The following TMEM144 variants were observed in gnomAD, a reference collection of about 807,000 sequenced individuals.
TMEM144 encodes the protein transmembrane protein 144.
In TMEM144, 39 loss-of-function variants were observed where a neutral mutation model predicts 43.6. The ratio of observed to expected loss-of-function variants is 0.90; its 90% CI spans 0.69 to 1.17. The LOEUF is 1.17. Among genes scored for constraint, TMEM144 ranks in the 50% most tolerant of loss-of-function variants. The pLI is 0.00. For synonymous variants in TMEM144, 154 were observed against 133.6 expected (o/e 1.15, Z -1.06); for missense variants, 417 against 411.9 (o/e 1.01, Z -0.11).
chr4:158,222,006 A>G (rs997011011), intron 6 of TMEM144, among the ~76,000 whole-genome samples: 1 of 152,192 alleles, frequency 6.6e-6, no homozygotes, highest in African/African-American at 2.4e-5. Flanking sequence ...TCTCCATAGA[A>G]GGCCACAGTC....
chr4:158,215,911 G>C (rs1734198084), intron 4 of TMEM144, among the ~76,000 whole-genome samples: 1 of 151,892 alleles, frequency 6.6e-6, no homozygotes. Context: ...AGAATTCCAA[G>C]TATCAGTGAT....
chr4:158,212,995 A>G (rs1267512679), intron 3 of TMEM144: 1 of 582,436 alleles, frequency 1.7e-6, no homozygotes, highest in South Asian at 2.2e-5. Flanking sequence ...TAGGGAGGGT[A>G]CAGTCAGGAA....
chr4:158,233,156 C>T (rs986475434), intron 7 of TMEM144, 174 bp downstream of exon 7: 30 of 486,722 alleles, frequency 6.2e-5, no homozygotes, highest in East Asian at 1.0e-4. Flanking sequence ...TCAATATTTC[C>T]GCAGTTGAGC....
At chr4:158,238,104 C>T (rs1445538959) in intron 9 of TMEM144, among the ~76,000 whole-genome samples, 1 of 152,142 alleles carries the variant, frequency 6.6e-6, no homozygotes, top group Non-Finnish European at 1.5e-5. Context: ...GTTAATATCT[C>T]AGTTTCCATT....
Position 158,232,884 on chromosome 4 carries a change from A to G in TMEM144, c.414-17A>G, listed in dbSNP as rs541482901. The stretch of plus-strand genomic sequence containing the variant: ...CAGTATTATGATAAATATCACTAAA[A>G]TTTATTTTCCTTACAGTGCTTTCAT... On this transcript the variant is annotated splice_polypyrimidine_tract_variant and intron_variant, in intron 6 of 12. Coordinates refer to ENST00000296529, the MANE Select transcript of TMEM144 (RefSeq NM_018342.5). 4 of 1,581,750 alleles carry G rather than the reference A, an allele frequency of 2.5e-6. No individual in the cohort carries two copies. The East Asian group carries it at 9.0e-5, about 35-fold the overall frequency.
Position 158,254,196 on chromosome 4 carries a change from GCATAA to G in TMEM144, c.*675_*679del, listed in dbSNP as rs1736358588. On this transcript the variant is annotated 3_prime_UTR_variant, in exon 13 of 13. Coordinates refer to ENST00000296529, the MANE Select transcript of TMEM144 (RefSeq NM_018342.5). ...AAATTTTTCATCATTGAGAAAATGT[GCATAA>G]CATAATACATACATACACAAGTATA... 1 of 152,134 alleles carries G rather than the reference GCATAA, an allele frequency of 6.6e-6. No homozygotes were observed. The highest frequency in any genetic ancestry group is 1.5e-5 in the Non-Finnish European group (1 of 68,074). 9.4% of individuals were successfully genotyped at this position (152,134 alleles called of 1,614,324 possible).
intron 8 of TMEM144, chr4:158,235,728 T>C: frequency 4.9e-6 from 2 of 411,024 alleles, no homozygotes; most frequent in Non-Finnish European, 8.8e-6. Flanking sequence ...ATTGCATTTA[T>C]CTCCAAATGA....
At chr4:158,249,933 T>TGTGTGTGTGTGTGTG (rs70958884) in intron 12 of TMEM144, among the ~76,000 whole-genome samples, 151 of 136,002 alleles carry the variant, frequency 1.1e-3, no homozygotes, top group Non-Finnish European at 1.7e-3. Flanking sequence ...TGTGTGTGTG[T>TGTGTGTGTGTGTGTG]TTAAATAAGC....
chr4:158,251,654 A>C (rs980065736), intron 12 of TMEM144, among the ~76,000 whole-genome samples: 3 of 152,190 alleles, frequency 2.0e-5, no homozygotes, highest in African/African-American at 7.2e-5. Context: ...ATTAACATAC[A>C]AATCACACAC....
At chr4:158,231,249 T>C (rs1226178723) in intron 6 of TMEM144, among the ~76,000 whole-genome samples, 2 of 152,096 alleles carry the variant, frequency 1.3e-5, no homozygotes, top group Admixed American at 1.3e-4. Context: ...GGGATTCTAG[T>C]GTCCATAACT....
At chr4:158,240,148 G>A in intron 9 of TMEM144, 151 bp from the exon 10 acceptor site, 1 of 819,828 alleles carries the variant, frequency 1.2e-6, no homozygotes, top group South Asian at 1.9e-5. Context: ...GCCTCCCAAA[G>A]TGCTAGGATT....
Position 158,237,379 on chromosome 4 carries a change from T to C in TMEM144, c.564-146T>C, listed in dbSNP as rs1579135236. 4.7e-6 allele frequency: 3 copies of C among 644,218 alleles called. No homozygotes were observed. The East Asian group carries it at 7.9e-5, about 17-fold the overall frequency. The allele number at this position is 644,218 out of a possible 1,614,324, so 39.9% of individuals were successfully genotyped here. ...TAATACTGCAGGGTATTTCTGTGAC[T>C]TCCGCCAGTCACAGAGCTTGAGATA... On this transcript the variant is annotated intron_variant, in intron 8 of 12. Coordinates refer to ENST00000296529, the MANE Select transcript of TMEM144 (RefSeq NM_018342.5).
At chr4:158,232,068 A>G (rs1735109502) in intron 6 of TMEM144, among the ~76,000 whole-genome samples, 1 of 152,238 alleles carries the variant, frequency 6.6e-6, no homozygotes. Context: ...AGTATTTCAA[A>G]AGAGATGTTA....
chr4:158,240,893 C>G (rs1735601320), intron 10 of TMEM144, among the ~76,000 whole-genome samples: 1 of 152,166 alleles, frequency 6.6e-6, no homozygotes, highest in Admixed American at 6.5e-5. Flanking sequence ...ATTCATTAGG[C>G]ATTGATCTTT....
At chr4:158,225,978 G>A (rs755880880) in intron 6 of TMEM144, among the ~76,000 whole-genome samples, 4 of 152,212 alleles carry the variant, frequency 2.6e-5, no homozygotes, top group Non-Finnish European at 5.9e-5. Flanking sequence ...TGCAGCCTAT[G>A]CCTGGTCGAC....
At chr4:158,222,441 T>A (rs1041220375) in intron 6 of TMEM144, among the ~76,000 whole-genome samples, 2 of 152,192 alleles carry the variant, frequency 1.3e-5, no homozygotes, top group Non-Finnish European at 2.9e-5. Context: ...CTTGAAAGCC[T>A]TTTCCTCAGC....
chr4:158,241,848 T>G (rs1735654329), intron 11 of TMEM144, among the ~76,000 whole-genome samples: 1 of 152,224 alleles, frequency 6.6e-6, no homozygotes, highest in Non-Finnish European at 1.5e-5. Flanking sequence ...TTGCAGTTTT[T>G]GGTTTGATTG....
At chr4:158,215,402 T>C (rs1734174499) in intron 4 of TMEM144, 89 bp downstream of exon 4, 1 of 1,464,864 alleles carries the variant, frequency 6.8e-7, no homozygotes, top group Admixed American at 2.0e-5. Flanking sequence ...GCGCAAACAG[T>C]GATTCTGAAT....
chr4:158,220,401 G>T (rs1734454252), intron 6 of TMEM144, among the ~76,000 whole-genome samples: 1 of 152,128 alleles, frequency 6.6e-6, no homozygotes, highest in African/African-American at 2.4e-5. Context: ...ACATAGGATG[G>T]CTTAGTTTTG....
Sources: allele counts gnomAD v4.1 joint callset (sites outside exome capture counted in the v4.1 genomes callset), GRCh38; gene constraint gnomAD v4.1.1; transcripts MANE v1.5; gene names NCBI Gene and HGNC (gene_info 2026-07-23, HGNC 2026-07-21).